The following VAV2 variants were observed in gnomAD, a reference collection of about 807,000 sequenced individuals.
VAV2 encodes the protein vav guanine nucleotide exchange factor 2.
A neutral mutation model predicts 132.5 loss-of-function variants in VAV2; 67 were observed. The observed-to-expected ratio is 0.51, with a 90% CI of 0.42 to 0.62. The LOEUF is 0.62. Among genes scored for constraint, VAV2 ranks in the 20% least tolerant of loss-of-function variants. VAV2 has a pLI of 0.00. For synonymous variants in VAV2, 492 were observed against 443.5 expected (o/e 1.11, Z -1.37); for missense variants, 938 against 1,153.6 (o/e 0.81, Z 2.71).
At chr9:133,806,284 G>C in intron 8 of VAV2, 103 bp from the exon 9 acceptor site, 1 of 1,141,440 alleles carries the variant, frequency 8.8e-7, no homozygotes, top group South Asian at 1.4e-5. Context: ...CCCTCAAGGA[G>C]GGGAGGGGCC....
chr9:133,990,763 G>A (rs1842989241), intron 1 of VAV2, among the ~76,000 whole-genome samples: 1 of 152,218 alleles, frequency 6.6e-6, no homozygotes, highest in Non-Finnish European at 1.5e-5. Flanking sequence ...GCCCTCTGCA[G>A]CAGTGACCGC....
Position 133,788,239 on chromosome 9 carries a change from CGGCCAGCATCAGCGGCTGACTTCGAGT to C in VAV2, c.1407+88_1407+114del. Reference sequence around the variant, plus strand: ...GCGGAGACGCCCACCCCAACCCACCCGGCCAGCATCAGCGGCTGACTTCGAGTCCCCTTCCCCTGGGGTCTGGAACCC... The same window carrying C: ...GCGGAGACGCCCACCCCAACCCACCCCCCCTTCCCCTGGGGTCTGGAACCC... On this transcript the variant is annotated intron_variant, in intron 15 of 29. Transcript: ENST00000371850. The surrounding 1 kb of genome is among the most constrained non-coding windows in gnomAD (Gnocchi z 5.3). The C allele has an allele frequency of 2.0e-5, 24 of 1,204,816 alleles. No homozygotes were observed. The highest frequency in any genetic ancestry group is 1.1e-4 in the East Asian group (4 of 37,660). 74.6% of individuals were successfully genotyped at this position (1,204,816 alleles called of 1,614,324 possible).
chr9:133,774,259 C>T (rs1338479651), intron 25 of VAV2, among the ~76,000 whole-genome samples: 1 of 152,190 alleles, frequency 6.6e-6, no homozygotes, highest in African/African-American at 2.4e-5. Context: ...TTAATGTGCA[C>T]CATGAGTGTG....
At chr9:133,915,934 C>T (rs1320112607) in intron 2 of VAV2, among the ~76,000 whole-genome samples, 1 of 151,436 alleles carries the variant, frequency 6.6e-6, no homozygotes, top group Non-Finnish European at 1.5e-5. Flanking sequence ...CACATGCACA[C>T]GATGTACATG....
intron 1 of VAV2, among the ~76,000 whole-genome samples, chr9:133,990,220 G>A (rs935530156): frequency 2.0e-5 from 3 of 152,094 alleles, no homozygotes; most frequent in East Asian, 1.9e-4. Flanking sequence ...CCACGAGTCC[G>A]GCAGCAGGGC....
Position 133,777,415 on chromosome 9 carries a change from C to T in VAV2, c.1939G>A (p.Val647Met). 6.2e-7 allele frequency: 1 copy of T among 1,613,842 alleles called. No homozygotes were observed. Among genetic ancestry groups the T allele is most frequent in the Non-Finnish European group, 8.5e-7 (1 of 1,180,022 alleles). ...RKSGYFPSSS[V>M]KPCPVDGRPP... ...CTTCCATCCACAGGGCAGGGCTTCACAGATGAGCTGGGGAAATACCCTGAC... is the reference window on the plus strand; with the variant it reads ...CTTCCATCCACAGGGCAGGGCTTCATAGATGAGCTGGGGAAATACCCTGAC... The change falls in exon 23 of 30, where the codon GTG (valine) becomes ATG (methionine). Residue 647 changes from valine (V) to methionine (M), a missense_variant. Physicochemically the swap from Val to Met is conservative, Grantham distance 21 (BLOSUM62 1). Transcript: ENST00000371850.
At chr9:133,867,620 A>G (rs1837859557) in intron 2 of VAV2, among the ~76,000 whole-genome samples, 1 of 152,250 alleles carries the variant, frequency 6.6e-6, no homozygotes, top group Admixed American at 6.5e-5. Context: ...CACCAGGTGA[A>G]GACAAGAGTA....
intron 9 of VAV2, 62 bp downstream of exon 9, chr9:133,806,019 T>G: frequency 1.3e-6 from 2 of 1,534,542 alleles, no homozygotes; most frequent in Non-Finnish European, 1.8e-6. Flanking sequence ...GAGTTCCACT[T>G]GTGTAAACTC....
In VAV2 at chr9:133,802,834, C is replaced by T. The variant is rs986654371; in HGVS notation, c.836+3247G>A. Among the ~76,000 whole-genome samples, 1 of 152,198 alleles carries T rather than the reference C, an allele frequency of 6.6e-6. No homozygotes were observed. Among genetic ancestry groups the T allele is most frequent in the Admixed American group, 6.5e-5 (1 of 15,290 alleles). On this transcript the variant is annotated intron_variant, in intron 9 of 29. Transcript: ENST00000371850. This position sits in a 1 kb window ranked among gnomAD's most constrained non-coding sequence, Gnocchi z 5.8. ...TGGATTGAGGACCACAGGCCATGGG[C>T]TCAGGTATGGACCAAGGATGCAGGA...
chr9:133,809,173 T>A, intron 6 of VAV2, 35 bp from the exon 7 acceptor site: 1 of 1,593,198 alleles, frequency 6.3e-7, no homozygotes, highest in Non-Finnish European at 8.6e-7. Context: ...CAGGACCCCA[T>A]GGGCCCGGCC....
chr9:133,913,795 C>T (rs1041958005), intron 2 of VAV2, among the ~76,000 whole-genome samples: 11 of 152,206 alleles, frequency 7.2e-5, no homozygotes, highest in African/African-American at 2.2e-4. Flanking sequence ...GCTGTACGCT[C>T]GTGGGAGCTG....
At position 133,812,194 on chromosome 9, in the gene VAV2, T is replaced by C; in HGVS notation, c.472A>G (p.Ile158Val). Residue 158 changes from isoleucine (I) to valine (V), a missense_variant, in exon 5 of 30, where the codon ATC becomes GTC. Transcript: ENST00000371850. ...LADEHDLGED[I>V]YDCVPCEDGG... ...TCCTCACACGGGACGCAGTCGTAGA[T>C]GTCCTCCCCCAGGTCATGCTCGCTG... 3 of 1,613,882 alleles carry C rather than the reference T, an allele frequency of 1.9e-6. No homozygotes were observed. Among genetic ancestry groups the C allele is most frequent in the Non-Finnish European group, 2.5e-6 (3 of 1,179,996 alleles).
At chr9:133,793,111 C>T (rs1316485123) in intron 12 of VAV2, among the ~76,000 whole-genome samples, 1 of 152,144 alleles carries the variant, frequency 6.6e-6, no homozygotes, top group Non-Finnish European at 1.5e-5. Flanking sequence ...CCTCTCTCCA[C>T]GGGTCTGGCC....
At chr9:133,799,703 C>G (rs1485941106) in intron 9 of VAV2, among the ~76,000 whole-genome samples, 1 of 152,174 alleles carries the variant, frequency 6.6e-6, no homozygotes, top group Admixed American at 6.5e-5. Context: ...TGTTATTACA[C>G]TGATCATTTT....
intron 2 of VAV2, among the ~76,000 whole-genome samples, chr9:133,909,853 T>C (rs763273395): frequency 6.6e-6 from 1 of 152,222 alleles, no homozygotes; most frequent in Non-Finnish European, 1.5e-5. Context: ...AGATTCTTTA[T>C]GTGTGCCAAG....
intron 1 of VAV2, among the ~76,000 whole-genome samples, chr9:133,970,373 G>A (rs1359899201): frequency 2.0e-5 from 3 of 152,168 alleles, no homozygotes; most frequent in East Asian, 1.9e-4. Flanking sequence ...ATGGCACCAC[G>A]TTCGGTGCTT....
intron 3 of VAV2, among the ~76,000 whole-genome samples, chr9:133,856,141 G>A (rs1172261518): frequency 1.3e-5 from 2 of 152,226 alleles, no homozygotes; most frequent in South Asian, 2.1e-4. Flanking sequence ...AGGCTGGGGA[G>A]GGCGGTGACT....
intron 13 of VAV2, 116 bp from the exon 14 acceptor site, chr9:133,789,459 G>T: frequency 1.1e-6 from 1 of 936,028 alleles, no homozygotes; most frequent in African/African-American, 1.6e-5. Flanking sequence ...CAGCAGAGGC[G>T]GGACGAAGGG....
At chr9:133,953,595 G>A (rs1349697953) in intron 1 of VAV2, among the ~76,000 whole-genome samples, 13 of 152,310 alleles carry the variant, frequency 8.5e-5, no homozygotes, top group African/African-American at 2.9e-4. Flanking sequence ...CCCTGGCAGG[G>A]TGGGAAGTCA....
Sources: allele counts gnomAD v4.1 joint callset (sites outside exome capture counted in the v4.1 genomes callset), GRCh38; gene constraint gnomAD v4.1.1; non-coding constraint Gnocchi (gnomAD v3.1); transcripts MANE v1.5; gene names NCBI Gene and HGNC (gene_info 2026-07-23, HGNC 2026-07-21).